CEP131: variants seen among roughly 807,000 people sequenced by gnomAD.
The protein encoded by CEP131 is centrosomal protein of 131 kDa.
A neutral mutation model predicts 136.8 loss-of-function variants in CEP131; 99 were observed. That is an observed-to-expected ratio of 0.72 (90% CI 0.62 to 0.86). The LOEUF is 0.86. Among genes scored for constraint, CEP131 ranks in the 40% least tolerant of loss-of-function variants. CEP131 has a pLI of 0.00. For missense variants in CEP131, 1,459 were observed against 1,463.0 expected, an observed-to-expected ratio of 1.00 and a Z score of 0.04; for synonymous variants, 646 against 612.7, an observed-to-expected ratio of 1.05 and a Z score of -0.80.
intron 13 of CEP131, 159 bp downstream of exon 13, chr17:81,197,551 GAC>G: frequency 8.9e-7 from 1 of 1,117,378 alleles, no homozygotes; most frequent in South Asian, 1.6e-5. Flanking sequence ...CATGGTGAGG[GAC>G]CACCTCCTGC....
intron 6 of CEP131, among the ~76,000 whole-genome samples, chr17:81,202,757 T>C (rs2061921813): frequency 6.6e-6 from 1 of 152,018 alleles, no homozygotes; most frequent in South Asian, 2.1e-4. Context: ...AGGTCACGAG[T>C]TCGAGACCAG....
At chr17:81,202,424 C>T (rs192397062) in intron 6 of CEP131, 26 bp from the exon 7 acceptor site, 85 of 1,606,424 alleles carry the variant, frequency 5.3e-5, no homozygotes, top group African/African-American at 4.9e-4. Context: ...AAAACACCCT[C>T]GTCTCACCGC....
In CEP131 at chr17:81,209,076, T is replaced by G. The variant is rs535078655; in HGVS notation, c.178-54A>C. 6.2e-5 allele frequency: 83 copies of G among 1,344,784 alleles called. 1 individual carries two copies. Among genetic ancestry groups the G allele is most frequent in the South Asian group, 1.5e-4 (12 of 81,978 alleles). The allele number at this position is 1,344,784 out of a possible 1,614,324, so 83.3% of individuals were successfully genotyped here. The stretch of plus-strand genomic sequence containing the variant: ...TGCAGCAAAGGCTCACTCACCAGTT[T>G]GCTCAGCCTCCGCCAGCTTTGGAGA... On this transcript the variant is annotated intron_variant, in intron 2 of 25. Transcript: ENST00000450824.
In CEP131 at chr17:81,203,959, GAAGCCAC is replaced by G. The variant is rs972140178; in HGVS notation, c.516-359_516-353del. ...GAAGCCCCATCCCACACGACGGATG[GAAGCCAC>G]ATTCTCTGCCTCTGCCCCTCCGCAG... On this transcript the variant is annotated intron_variant, in intron 5 of 25. Coordinates refer to ENST00000450824, the MANE Select transcript of CEP131 (RefSeq NM_014984.4). The surrounding 1 kb of genome is among the most constrained non-coding windows in gnomAD (Gnocchi z 4.6). 8.5e-6 allele frequency: 2 copies of G among 234,348 alleles called. No individual in the cohort carries two copies. Among genetic ancestry groups the G allele is most frequent in the Non-Finnish European group, 1.7e-5 (2 of 118,434 alleles). 14.5% of individuals were successfully genotyped at this position (234,348 alleles called of 1,614,324 possible).
Position 81,196,740 on chromosome 17 carries a change from G to A in CEP131, c.1860C>T (p.Tyr620=), listed in dbSNP as rs747526851. ...CCAAGTGCCGCTGGATGGTGGCCTCGTAGTGCTCCCTCTGCCGCTGCAGCT... is the reference window on the plus strand; with the variant it reads ...CCAAGTGCCGCTGGATGGTGGCCTCATAGTGCTCCCTCTGCCGCTGCAGCT... ...SRQLQRQREH[Y]EATIQRHLAF... The change falls in exon 15 of 26, where the codon TAC becomes TAT. Residue 620 remains tyrosine, a synonymous_variant. Coordinates refer to ENST00000450824, the MANE Select transcript of CEP131 (RefSeq NM_014984.4). 1 of 1,603,280 alleles carries A rather than the reference G, an allele frequency of 6.2e-7. No homozygotes were observed. The highest frequency in any genetic ancestry group is 8.5e-7 in the Non-Finnish European group (1 of 1,177,136).
chr17:81,203,680 G>C lies in CEP131; in HGVS notation c.516-73C>G. ...CGCCTGAGATCTCAGAGCTACACTCGCAGCACGGGCTGGGAGGGAACAAAG... is the reference window on the plus strand; with the variant it reads ...CGCCTGAGATCTCAGAGCTACACTCCCAGCACGGGCTGGGAGGGAACAAAG... On this transcript the variant is annotated intron_variant, in intron 5 of 25. Coordinates refer to ENST00000450824, the MANE Select transcript of CEP131 (RefSeq NM_014984.4). The surrounding 1 kb of genome is among the most constrained non-coding windows in gnomAD (Gnocchi z 4.6). 1 of 1,210,926 alleles carries C rather than the reference G, an allele frequency of 8.3e-7. No homozygotes were observed. Among genetic ancestry groups the C allele is most frequent in the Non-Finnish European group, 1.2e-6 (1 of 853,838 alleles). The allele number at this position is 1,210,926 out of a possible 1,614,324, so 75.0% of individuals were successfully genotyped here.
intron 13 of CEP131, 70 bp from the exon 14 acceptor site, chr17:81,197,125 C>G (rs1404789392): frequency 4.6e-6 from 7 of 1,513,460 alleles, no homozygotes; most frequent in Non-Finnish European, 6.2e-6. Flanking sequence ...TGACACGATG[C>G]CCCTGCGGCC....
chr17:81,200,242 T>A (rs928221030), intron 8 of CEP131, 87 bp downstream of exon 8: 6 of 1,053,912 alleles, frequency 5.7e-6, no homozygotes. Context: ...TAGGCTTTGA[T>A]TCCACCTGTC....
intron 17 of CEP131, 115 bp downstream of exon 17, chr17:81,194,755 C>G: frequency 3.3e-6 from 3 of 905,918 alleles, no homozygotes; most frequent in Non-Finnish European, 5.5e-6. Flanking sequence ...GTGTTCACCT[C>G]TGCCCAGGAA....
rs779464208 is a variant in CEP131, at chr17:81,206,720, C to T, written c.515+24G>A. The T allele has an allele frequency of 1.9e-5, 30 of 1,591,564 alleles. No homozygotes were observed. The East Asian group carries it at 3.6e-4, about 19-fold the overall frequency. On this transcript the variant is annotated intron_variant, in intron 5 of 25. Transcript: ENST00000450824. ...CCAGGAGCTTCCCACTGGTGCCCGT[C>T]GTGGGCACCTGCACAGGTCGTACCT...
At chr17:81,211,492 G>A in intron 2 of CEP131, among the ~76,000 whole-genome samples, 1 of 152,368 alleles carries the variant, frequency 6.6e-6, no homozygotes, top group South Asian at 2.1e-4. Context: ...GCTGCTGGAG[G>A]AGCTGAAGAG....
At position 81,194,057 on chromosome 17, in the gene CEP131, G is replaced by A. The variant is rs199618201; in HGVS notation, c.2190C>T (p.His730=). ...CATCCGACTGCAGCAGCTCCGCCTCGTGCAGGCTCTTGAGCCTCCGCACTT... is the reference window on the plus strand; with the variant it reads ...CATCCGACTGCAGCAGCTCCGCCTCATGCAGGCTCTTGAGCCTCCGCACTT... The part of the protein sequence containing the change: ...KQEVRRLKSL[H]EAELLQSDER... Residue 730 remains histidine, a synonymous_variant, in exon 18 of 26, where the codon CAC becomes CAT. Coordinates refer to ENST00000450824, the MANE Select transcript of CEP131 (RefSeq NM_014984.4). 2.7e-5 allele frequency: 42 copies of A among 1,584,822 alleles called. No homozygotes were observed. In the East Asian group the frequency reaches 4.6e-4, roughly 17 times the overall value.
At chr17:81,218,620 C>G (rs2062310489) in intron 2 of CEP131, among the ~76,000 whole-genome samples, 1 of 152,266 alleles carries the variant, frequency 6.6e-6, no homozygotes, top group African/African-American at 2.4e-5. Flanking sequence ...AATGACACAT[C>G]AGGACATCCC....
Position 81,194,779 on chromosome 17 carries a change from A to G in CEP131, c.2119+91T>C, listed in dbSNP as rs577834225. ...TCTGCCCAGGAAGGTCTCGGACTAC[A>G]TGAATGCCTGAAGTTATGGCTCTCT... On this transcript the variant is annotated intron_variant, in intron 17 of 25. Coordinates refer to ENST00000450824, the MANE Select transcript of CEP131 (RefSeq NM_014984.4). 1.8e-3 allele frequency: 1,954 copies of G among 1,069,126 alleles called. 41 individuals are homozygous for G. The South Asian group carries it at 0.023, about 13-fold the overall frequency. The allele number at this position is 1,069,126 out of a possible 1,614,324, so 66.2% of individuals were successfully genotyped here.
At chr17:81,196,212 T>C (rs1315024221) in intron 15 of CEP131, among the ~76,000 whole-genome samples, 1 of 152,196 alleles carries the variant, frequency 6.6e-6, no homozygotes, top group African/African-American at 2.4e-5. Context: ...CCTGCAGTGA[T>C]GTCAGGGTCT....
chr17:81,216,002 G>A (rs111687200), intron 2 of CEP131, among the ~76,000 whole-genome samples: 3,669 of 152,120 alleles, frequency 0.024, 132 homozygotes, highest in African/African-American at 0.083. Flanking sequence ...GAGGTGGGAG[G>A]ATCGCTTCAG....
In CEP131 at chr17:81,203,117, C is replaced by T. The variant is rs1370951461; in HGVS notation, c.629+377G>A. On this transcript the variant is annotated intron_variant, in intron 6 of 25. Coordinates refer to ENST00000450824, the MANE Select transcript of CEP131 (RefSeq NM_014984.4). This position sits in a 1 kb window ranked among gnomAD's most constrained non-coding sequence, Gnocchi z 4.6. The stretch of plus-strand genomic sequence containing the variant: ...TCCTTTGCCCCGCTCGGTCCACCCC[C>T]GCTGTGACGCCTTCTGGGCTCTGCA... Among the ~76,000 whole-genome samples the T allele has an allele frequency of 1.3e-5, 2 of 152,206 alleles. No homozygotes were observed. Among genetic ancestry groups the T allele is most frequent in the South Asian group, 2.1e-4 (1 of 4,830 alleles).
intron 4 of CEP131, 100 bp from the exon 5 acceptor site, chr17:81,206,971 A>G: frequency 6.5e-7 from 1 of 1,546,014 alleles, no homozygotes; most frequent in Non-Finnish European, 8.7e-7. Context: ...AACTTCCCAT[A>G]CAGACAGGTG....
intron 12 of CEP131, 22 bp from the exon 13 acceptor site, chr17:81,197,910 T>C: frequency 6.2e-7 from 1 of 1,603,068 alleles, no homozygotes; most frequent in East Asian, 2.2e-5. Flanking sequence ...GAGCCCAGCA[T>C]CGGGGGCTGT....
Sources: gnomAD v4.1 joint callset for allele counts (sites outside exome capture counted in the v4.1 genomes callset) on GRCh38, gnomAD v4.1.1 for gene constraint, Gnocchi (gnomAD v3.1) non-coding constraint, MANE v1.5 for transcripts, NCBI Gene and HGNC (gene_info 2026-07-23, HGNC 2026-07-21) for gene names.